DOCK2: variants seen among roughly 807,000 people sequenced by gnomAD.
DOCK2 encodes dedicator of cytokinesis 2, also known as dedicator of cytokinesis protein 2.
DOCK2 carries 87 observed loss-of-function variants against 248.9 expected under a neutral mutation model. The observed-to-expected ratio is 0.35, with a 90% CI of 0.29 to 0.42. DOCK2 has a LOEUF of 0.42. Ranked by LOEUF, DOCK2 falls within the 10% of genes least tolerant of loss-of-function variation. The pLI is 1.00. For missense variants in DOCK2, 1,747 were observed against 2,300.2 expected (o/e 0.76, Z 4.92); for synonymous variants, 805 against 821.6 (o/e 0.98, Z 0.35).
At position 169,813,118 on chromosome 5, in the gene DOCK2, G is replaced by A. The variant is rs188238511; in HGVS notation, c.2703+9912G>A. Among the ~76,000 whole-genome samples, 46 of 152,362 alleles carry A rather than the reference G, an allele frequency of 3.0e-4. No homozygotes were observed. The East Asian group carries it at 8.9e-3, about 29-fold the overall frequency. On this transcript the variant is annotated intron_variant, in intron 26 of 51. Coordinates refer to ENST00000520908, the MANE Select transcript of DOCK2 (RefSeq NM_004946.3). ...GGGCTCCTGATCACCACTGTACAGGGCAGTGAGCTGGAGCTGGCTCTTTCC... is the reference window on the plus strand; with the variant it reads ...GGGCTCCTGATCACCACTGTACAGGACAGTGAGCTGGAGCTGGCTCTTTCC...
intron 26 of DOCK2, among the ~76,000 whole-genome samples, chr5:169,804,648 A>T (rs1391632752): frequency 6.6e-6 from 1 of 152,206 alleles, no homozygotes; most frequent in African/African-American, 2.4e-5. Flanking sequence ...GCTCACCCTG[A>T]TCCTAGATAC....
intron 19 of DOCK2, among the ~76,000 whole-genome samples, chr5:169,715,923 G>A (rs765013642): frequency 6.6e-6 from 1 of 152,172 alleles, no homozygotes; most frequent in Non-Finnish European, 1.5e-5. Context: ...TATAATGCTT[G>A]TGAGAATCAT....
chr5:170,051,610 GT>G (rs1157363142), intron 41 of DOCK2, among the ~76,000 whole-genome samples: 7 of 152,130 alleles, frequency 4.6e-5, no homozygotes, highest in African/African-American at 1.7e-4. Flanking sequence ...TGGAAAATCT[GT>G]CTCAATTTGC....
chr5:170,034,691 C>T (rs1213958453), intron 35 of DOCK2, 136 bp downstream of exon 35: 15 of 1,257,534 alleles, frequency 1.2e-5, no homozygotes, highest in African/African-American at 9.1e-5. Flanking sequence ...TGGAATGGAA[C>T]GTCTGCTGCG....
intron 22 of DOCK2, among the ~76,000 whole-genome samples, chr5:169,721,134 G>A (rs1250848553): frequency 6.6e-6 from 1 of 152,210 alleles, no homozygotes; most frequent in African/African-American, 2.4e-5. Flanking sequence ...ATATAATCTT[G>A]CAGAACCCCT....
chr5:169,926,506 G>T (rs905899697), intron 27 of DOCK2, among the ~76,000 whole-genome samples: 2 of 152,174 alleles, frequency 1.3e-5, no homozygotes, highest in Non-Finnish European at 2.9e-5. Flanking sequence ...AGAAAGCTTT[G>T]TGAACATGAT....
chr5:169,672,681 C>T (rs537146240), intron 5 of DOCK2, among the ~76,000 whole-genome samples: 1 of 152,278 alleles, frequency 6.6e-6, no homozygotes, highest in South Asian at 2.1e-4. Context: ...ACAAGATTGC[C>T]CTCACTTTAG....
chr5:169,832,702 G>A (rs765892078), intron 26 of DOCK2, among the ~76,000 whole-genome samples: 1 of 152,196 alleles, frequency 6.6e-6, no homozygotes. Flanking sequence ...ATTTTTCAAA[G>A]TTAGATATTT....
intron 15 of DOCK2, among the ~76,000 whole-genome samples, chr5:169,709,954 G>A (rs1489285557): frequency 1.3e-5 from 2 of 152,168 alleles, no homozygotes; most frequent in African/African-American, 4.8e-5. Context: ...CCTGGGGCTA[G>A]GATTCTGTTG....
chr5:170,001,901 C>T (rs1754846652), intron 30 of DOCK2, among the ~76,000 whole-genome samples: 1 of 152,146 alleles, frequency 6.6e-6, no homozygotes, highest in African/African-American at 2.4e-5. Flanking sequence ...AAGGCTTTTG[C>T]AAGACTGAGA....
rs147914842 is a variant in DOCK2 at position 169,663,918 on chromosome 5, G to A, written c.128-5370G>A. On this transcript the variant is annotated intron_variant, in intron 2 of 51. Coordinates refer to ENST00000520908, the MANE Select transcript of DOCK2 (RefSeq NM_004946.3). ...TTACTTATATAAATTTCTGCAGCTC[G>A]TTTGAATTTCTCCACAGAAAATGGG... is the stretch of plus-strand genomic sequence containing the variant. Among the ~76,000 whole-genome samples the A allele has an allele frequency of 5.9e-5, 9 of 152,320 alleles. No homozygotes were observed. The East Asian group carries it at 1.5e-3, about 26-fold the overall frequency.
intron 25 of DOCK2, among the ~76,000 whole-genome samples, chr5:169,782,803 C>T (rs935232180): frequency 6.6e-5 from 10 of 152,158 alleles, no homozygotes; most frequent in African/African-American, 1.7e-4. Context: ...TTTTAGTCTA[C>T]GTCTTCACCT....
At chr5:169,785,378 G>A (rs1327571675) in intron 25 of DOCK2, among the ~76,000 whole-genome samples, 1 of 152,144 alleles carries the variant, frequency 6.6e-6, no homozygotes, top group Non-Finnish European at 1.5e-5. Flanking sequence ...ATCAGAGAGT[G>A]TGAATGAAGA....
In DOCK2 at chr5:169,950,228, A is replaced by G. The variant is rs538971821; in HGVS notation, c.2800-32840A>G. On this transcript the variant is annotated intron_variant, in intron 27 of 51. Transcript: ENST00000520908. ...CCTGTCAGATTCAAACCCCAGCTCT[A>G]GCTCCATGCCCCTAGAGAAAGTTAT... is the stretch of plus-strand genomic sequence containing the variant. Among the ~76,000 whole-genome samples, 317 of 152,308 alleles carry G rather than the reference A, an allele frequency of 2.1e-3. 1 individual carries two copies. Among genetic ancestry groups the G allele is most frequent in the African/African-American group, 7.3e-3 (302 of 41,566 alleles).
intron 27 of DOCK2, chr5:169,883,065 CA>C: frequency 6.4e-7 from 1 of 1,551,618 alleles, no homozygotes; most frequent in Non-Finnish European, 8.7e-7. Context: ...TGGGCAAAAG[CA>C]ATTCAGGTTT....
chr5:169,796,156 T>C (rs1290526224), intron 25 of DOCK2, among the ~76,000 whole-genome samples: 2 of 152,184 alleles, frequency 1.3e-5, no homozygotes, highest in Non-Finnish European at 1.5e-5. Context: ...GATGCATTGC[T>C]TGTGTTTAAC....
rs1764635538 is a variant in DOCK2 at position 169,764,085 on chromosome 5, A to G, written c.2554+2460A>G. Among the ~76,000 whole-genome samples, 1 of 152,178 alleles carries G rather than the reference A, an allele frequency of 6.6e-6. No homozygotes were observed. Among genetic ancestry groups the G allele is most frequent in the Non-Finnish European group, 1.5e-5 (1 of 68,032 alleles). ...TCTCTTTATACCCTTAAATAAGGTG[A>G]GTGTGATTCCTCTGGCCAAGTTTGA... is the stretch of plus-strand genomic sequence containing the variant. On this transcript the variant is annotated intron_variant, in intron 25 of 51. Transcript: ENST00000520908. The surrounding 1 kb of genome is among the most constrained non-coding windows in gnomAD (Gnocchi z 4.3).
intron 2 of DOCK2, among the ~76,000 whole-genome samples, chr5:169,654,957 C>A (rs559423193): frequency 1.2e-4 from 19 of 152,222 alleles, no homozygotes; most frequent in Non-Finnish European, 2.1e-4. Context: ...CTGTCTTGGG[C>A]AATGTGGTGG....
At chr5:170,023,555 T>C (rs932729169) in intron 33 of DOCK2, among the ~76,000 whole-genome samples, 1 of 152,150 alleles carries the variant, frequency 6.6e-6, no homozygotes, top group African/African-American at 2.4e-5. Context: ...GTAAAGTGGG[T>C]ATCCAACTGC....
Sources: allele counts gnomAD v4.1 joint callset (sites outside exome capture counted in the v4.1 genomes callset), GRCh38; gene constraint gnomAD v4.1.1; non-coding constraint Gnocchi (gnomAD v3.1); transcripts MANE v1.5; gene names NCBI Gene and HGNC (gene_info 2026-07-23, HGNC 2026-07-21).